The following NTM variants were observed in gnomAD, a reference collection of about 807,000 sequenced individuals.
NTM encodes IgLON family member 2.
NTM carries 13 observed loss-of-function variants against 42.1 expected under a neutral mutation model. The observed-to-expected ratio is 0.31, with a 90% CI of 0.20 to 0.49. The LOEUF (loss-of-function observed/expected upper bound fraction) is 0.49. Ranked by LOEUF, NTM falls within the 20% of genes least tolerant of loss-of-function variation. NTM has a pLI of 0.99. For missense variants in NTM, 373 were observed against 452.8 expected, an observed-to-expected ratio of 0.82 and a Z score of 1.60; for synonymous variants, 187 against 179.2, an observed-to-expected ratio of 1.04 and a Z score of -0.35.
At position 131,516,733 on chromosome 11, in the gene NTM, C is replaced by T. The variant is rs552873592; in HGVS notation, c.82+145845C>T. Among the ~76,000 whole-genome samples the T allele has an allele frequency of 3.9e-5, 6 of 152,272 alleles. No homozygotes were observed. In the East Asian group the frequency reaches 1.2e-3, roughly 29 times the overall value. Reference sequence around the variant, plus strand: ...GAAAATATGTATTGTATTAATTGGGCATTGGAGGTGGAGGACTGGAAAAGC... The same window carrying T: ...GAAAATATGTATTGTATTAATTGGGTATTGGAGGTGGAGGACTGGAAAAGC... On this transcript the variant is annotated intron_variant, in intron 1 of 8. Transcript: ENST00000683400.
intron 2 of NTM, among the ~76,000 whole-genome samples, chr11:131,964,693 G>A (rs1697657199): frequency 6.6e-6 from 1 of 152,152 alleles, no homozygotes; most frequent in African/African-American, 2.4e-5. Flanking sequence ...GCTAGATCTG[G>A]CCATCATCGT....
chr11:131,381,878 G>A (rs1942722831), intron 1 of NTM, among the ~76,000 whole-genome samples: 2 of 152,196 alleles, frequency 1.3e-5, no homozygotes, highest in African/African-American at 4.8e-5. Context: ...AATAGGGCAA[G>A]TTCATCTCTA....
chr11:131,554,648 A>G (rs1284361625), intron 1 of NTM, among the ~76,000 whole-genome samples: 5 of 152,208 alleles, frequency 3.3e-5, no homozygotes, highest in Middle Eastern at 6.8e-3. Flanking sequence ...GTTGACTGCC[A>G]TCTCAGATAA....
At chr11:132,162,254 TTA>T (rs1185843785) in intron 3 of NTM, among the ~76,000 whole-genome samples, 2 of 148,642 alleles carry the variant, frequency 1.3e-5, no homozygotes, top group Admixed American at 1.3e-4. Context: ...GTGAGTGTGT[TTA>T]TGTTTGTGTA....
chr11:131,440,771 C>A (rs543190443), intron 1 of NTM, among the ~76,000 whole-genome samples: 1 of 130,232 alleles, frequency 7.7e-6, no homozygotes, highest in South Asian at 2.6e-4. Flanking sequence ...TACAGACTTT[C>A]AACAGTTGTC....
chr11:131,946,347 C>T (rs1279681464), intron 2 of NTM, among the ~76,000 whole-genome samples: 1 of 152,142 alleles, frequency 6.6e-6, no homozygotes, highest in Non-Finnish European at 1.5e-5. Flanking sequence ...TGTCAGACAC[C>T]TTCTGGTACC....
At chr11:131,371,422 A>C (rs1007083581) in intron 1 of NTM, among the ~76,000 whole-genome samples, 2 of 152,200 alleles carry the variant, frequency 1.3e-5, no homozygotes, top group African/African-American at 4.8e-5. Context: ...GTCAATTTGC[A>C]GCAGTGGGGG....
chr11:132,062,214 C>T (rs1199893861), intron 2 of NTM, among the ~76,000 whole-genome samples: 1 of 152,096 alleles, frequency 6.6e-6, no homozygotes, highest in African/African-American at 2.4e-5. Flanking sequence ...CAAAGATGTT[C>T]CAGCTGAGTA....
At chr11:131,952,898 C>T (rs2061171758) in intron 2 of NTM, among the ~76,000 whole-genome samples, 1 of 152,128 alleles carries the variant, frequency 6.6e-6, no homozygotes, top group African/African-American at 2.4e-5. Context: ...CTTGATGCCC[C>T]AGAGAACAGA....
At chr11:132,202,503 G>T (rs1035391840) in intron 3 of NTM, among the ~76,000 whole-genome samples, 2 of 152,134 alleles carry the variant, frequency 1.3e-5, no homozygotes, top group African/African-American at 4.8e-5. Flanking sequence ...GCCCTGTCTG[G>T]ATGGCAGGTC....
chr11:131,736,935 T>C (rs1320760706), intron 1 of NTM, among the ~76,000 whole-genome samples: 1 of 152,144 alleles, frequency 6.6e-6, no homozygotes, highest in Non-Finnish European at 1.5e-5. Flanking sequence ...ATGCCATCCT[T>C]AATGGAGGAT....
At chr11:132,184,766 A>T (rs1487788582) in intron 3 of NTM, among the ~76,000 whole-genome samples, 1 of 152,168 alleles carries the variant, frequency 6.6e-6, no homozygotes, top group Admixed American at 6.5e-5. Flanking sequence ...AGCTACACAA[A>T]TTTTTTGGGA....
chr11:131,649,750 T>C (rs564927858), intron 1 of NTM, among the ~76,000 whole-genome samples: 1 of 152,306 alleles, frequency 6.6e-6, no homozygotes, highest in African/African-American at 2.4e-5. Context: ...GAAAGGGAAG[T>C]GGATGATAGT....
In NTM at chr11:131,446,932, G is replaced by A. The variant is rs558777684; in HGVS notation, c.82+76044G>A. On this transcript the variant is annotated intron_variant, in intron 1 of 8. Transcript: ENST00000683400. ...ACAGCGATCAGAGGAGAGGCTGATGGAAAGCACATACTTTTAACTGTTAGC... is the reference window on the plus strand; with the variant it reads ...ACAGCGATCAGAGGAGAGGCTGATGAAAAGCACATACTTTTAACTGTTAGC... Among the ~76,000 whole-genome samples, 109 of 152,320 alleles carry A rather than the reference G, an allele frequency of 7.2e-4. 1 individual carries two copies. Among genetic ancestry groups the A allele is most frequent in the African/African-American group, 2.5e-3 (103 of 41,564 alleles).
chr11:132,221,776 TATTTTTATTTTAGAG>T (rs1297588612), intron 4 of NTM, among the ~76,000 whole-genome samples: 4 of 152,236 alleles, frequency 2.6e-5, no homozygotes, highest in Non-Finnish European at 5.9e-5. Flanking sequence ...AAGTAGGCAT[TATTTTTATTTTAGAG>T]ACGAAGGCAT....
intron 1 of NTM, among the ~76,000 whole-genome samples, chr11:131,867,312 G>C (rs962625082): frequency 6.6e-6 from 1 of 152,184 alleles, no homozygotes; most frequent in African/African-American, 2.4e-5. Flanking sequence ...GTTGCAGCAA[G>C]GAGGAAAACG....
intron 2 of NTM, among the ~76,000 whole-genome samples, chr11:131,913,404 C>G (rs1375869613): frequency 6.6e-6 from 1 of 152,032 alleles, no homozygotes; most frequent in African/African-American, 2.4e-5. Context: ...GAAGTGGGTC[C>G]TGGCAGACAG....
In NTM at chr11:132,326,904, A is replaced by G. The variant is rs74402738; in HGVS notation, c.935-3249A>G. 4.8e-3 allele frequency among the ~76,000 whole-genome samples: 728 copies of G among 152,358 alleles called. 5 individuals carry two copies. Among genetic ancestry groups the G allele is most frequent in the African/African-American group, 0.017 (698 of 41,586 alleles). On this transcript the variant is annotated intron_variant, in intron 7 of 8. Coordinates refer to ENST00000683400, the MANE Select transcript of NTM (RefSeq NM_001352005.2). ...CTCAGAAATACCAGGAAAGATTTATATGAATGCATGGATTTCCACTGACAG... is the reference window on the plus strand; with the variant it reads ...CTCAGAAATACCAGGAAAGATTTATGTGAATGCATGGATTTCCACTGACAG...
chr11:131,457,652 G>A (rs191552599), intron 1 of NTM, among the ~76,000 whole-genome samples: 14 of 152,252 alleles, frequency 9.2e-5, no homozygotes, highest in Admixed American at 2.6e-4. Flanking sequence ...TGTGAAATCC[G>A]GAGTTCAGGA....
Sources: gnomAD v4.1 joint callset for allele counts (sites outside exome capture counted in the v4.1 genomes callset) on GRCh38, gnomAD v4.1.1 for gene constraint, MANE v1.5 for transcripts, NCBI Gene and HGNC (gene_info 2026-07-23, HGNC 2026-07-21) for gene names.